CRLF1: variants seen among roughly 807,000 people sequenced by gnomAD.
The protein encoded by CRLF1 is cytokine receptor like factor 1.
In CRLF1, 36 loss-of-function variants were observed where a neutral mutation model predicts 48.9. That is an observed-to-expected ratio of 0.74 (90% CI 0.56 to 0.97). The LOEUF (loss-of-function observed/expected upper bound fraction) is 0.97. CRLF1 is among the 50% of genes least tolerant of loss of function. The pLI is 0.00. For missense variants in CRLF1, 534 were observed against 575.1 expected (o/e 0.93, Z 0.73); for synonymous variants, 256 against 253.4 (o/e 1.01, Z -0.10).
At chr19:18,598,381 G>C in intron 4 of CRLF1, 51 bp downstream of exon 4, 8 of 1,569,914 alleles carry the variant, frequency 5.1e-6, no homozygotes, top group Non-Finnish European at 6.9e-6. Context: ...GGGATGCTCG[G>C]TGGGTGGGGC....
rs755980118 is a variant in CRLF1 at position 18,596,686 on chromosome 19, G to A, written c.960C>T (p.Gly320=). 2.5e-6 allele frequency: 4 copies of A among 1,613,996 alleles called. No homozygotes were observed. In the Admixed American group the frequency reaches 6.7e-5, roughly 27 times the overall value. The change falls in exon 6 of 9, where the codon GGC becomes GGT. Residue 320 remains glycine, a synonymous_variant. Transcript: ENST00000392386. ...QVRCNPFGIY[G]SKKAGIWSEW... ...CACTCCAGATCCCGGCTTTCTTGGA[G>A]CCATAGATGCCAAAGGGGTTGCAGC...
At position 18,599,602 on chromosome 19, in the gene CRLF1, G is replaced by T. The variant is rs562764303; in HGVS notation, c.360C>A (p.Asp120Glu). Residue 120 changes from aspartate (D) to glutamate (E), a missense_variant, in exon 2 of 9, where the codon GAC becomes GAA. Physicochemically the swap from Asp to Glu is conservative, Grantham distance 45 (BLOSUM62 2). Around this residue, in one of 2 missense-constraint regions of CRLF1, gnomAD observed 528 missense variants for 555.7 expected, o/e 0.95. Coordinates refer to ENST00000392386, the MANE Select transcript of CRLF1 (RefSeq NM_004750.5). ...GGCAGGAGCCAGCCAGGATGCTGCC[G>T]TCACGGGCGTGGCACACGAGGTTGT... ...SGDNLVCHARDGSILAGSCLY... is the reference protein window; with the variant it reads ...SGDNLVCHAREGSILAGSCLY... 1.2e-6 allele frequency: 2 copies of T among 1,613,036 alleles called. No homozygotes were observed. Among genetic ancestry groups the T allele is most frequent in the Non-Finnish European group, 1.7e-6 (2 of 1,180,026 alleles).
At chr19:18,599,148 C>A (rs1976185273) in intron 2 of CRLF1, 2 of 980,892 alleles carry the variant, frequency 2.0e-6, no homozygotes, top group Non-Finnish European at 2.4e-6. Context: ...CTCTGTCCCC[C>A]AGGCTGGAGT....
In CRLF1 at chr19:18,593,555, G is replaced by A. The variant is rs140234226; in HGVS notation, c.*11C>T. The A allele has an allele frequency of 9.9e-6, 16 of 1,610,606 alleles. No individual in the cohort carries two copies. The highest frequency in any genetic ancestry group is 1.3e-5 in the Non-Finnish European group (15 of 1,178,938). ...CCACGTGGCAGGGAGGGTGGCCTGAGCCCCTACAGCTTATCTGGCAGGACC... is the reference window on the plus strand; with the variant it reads ...CCACGTGGCAGGGAGGGTGGCCTGAACCCCTACAGCTTATCTGGCAGGACC... On this transcript the variant is annotated 3_prime_UTR_variant, in exon 9 of 9. Coordinates refer to ENST00000392386, the MANE Select transcript of CRLF1 (RefSeq NM_004750.5).
rs2145325185 is a variant in CRLF1 at position 18,593,405 on chromosome 19, G to T, written c.*161C>A. 4 of 981,756 alleles carry T rather than the reference G, an allele frequency of 4.1e-6. No homozygotes were observed. The highest frequency in any genetic ancestry group is 1.6e-5 in the African/African-American group (1 of 61,100). 60.8% of individuals were successfully genotyped at this position (981,756 alleles called of 1,614,324 possible). On this transcript the variant is annotated 3_prime_UTR_variant, in exon 9 of 9. Transcript: ENST00000392386. Reference sequence around the variant, plus strand: ...GGGGTGCACCCAAAGGTGGCCTCACGTGGGAGTCAGAGCTGTTATGGCCGT... The same window carrying T: ...GGGGTGCACCCAAAGGTGGCCTCACTTGGGAGTCAGAGCTGTTATGGCCGT...
intron 1 of CRLF1, among the ~76,000 whole-genome samples, chr19:18,605,553 T>TCGGGGATGGAATGTGTGTGC (rs1156995829): frequency 3.3e-5 from 5 of 152,172 alleles, no homozygotes; most frequent in Admixed American, 6.5e-5. Flanking sequence ...AATGTGTGTG[T>TCGGGGATGGAATGTGTGTGC]CGGGGATGGA....
chr19:18,599,791 C>T lies in CRLF1; in HGVS notation c.171G>A (p.Leu57=), dbSNP rs775538615. 1 of 1,581,206 alleles carries T rather than the reference C, an allele frequency of 6.3e-7. No homozygotes were observed. The highest frequency in any genetic ancestry group is 8.6e-7 in the Non-Finnish European group (1 of 1,160,646). ...GGTCTCCGTGCACTGAGCAGGTGGCCAGCAGGGAGGAGCCGATGAGAAGCG... is the reference window on the plus strand; with the variant it reads ...GGTCTCCGTGCACTGAGCAGGTGGCTAGCAGGGAGGAGCCGATGAGAAGCG... ...DPTLLIGSSL[L]ATCSVHGDPP... Residue 57 remains leucine (L), a synonymous_variant, in exon 2 of 9, where the codon CTG becomes CTA. Coordinates refer to ENST00000392386, the MANE Select transcript of CRLF1 (RefSeq NM_004750.5).
At chr19:18,595,941 T>G (rs1443473750) in intron 6 of CRLF1, among the ~76,000 whole-genome samples, 1 of 152,068 alleles carries the variant, frequency 6.6e-6, no homozygotes, top group African/African-American at 2.4e-5. Context: ...ACTGGCCCCC[T>G]CTTAGGAGGG....
intron 1 of CRLF1, among the ~76,000 whole-genome samples, chr19:18,604,336 C>T (rs1228700104): frequency 1.3e-5 from 2 of 152,208 alleles, no homozygotes; most frequent in East Asian, 1.9e-4. Context: ...CAATCTCCCA[C>T]CCCCTTAGCC....
chr19:18,593,705 T>A, intron 8 of CRLF1, 126 bp from the exon 9 acceptor site: 1 of 1,529,780 alleles, frequency 6.5e-7, no homozygotes, highest in Non-Finnish European at 8.8e-7. Context: ...TTGGGCAGGG[T>A]CCTGCCCCTC....
In CRLF1 at chr19:18,606,696, C is replaced by G; in HGVS notation, c.-40G>C. 5.4e-6 allele frequency: 2 copies of G among 372,850 alleles called. No homozygotes were observed. The highest frequency in any genetic ancestry group is 7.3e-6 in the Non-Finnish European group (2 of 273,900). 23.1% of individuals were successfully genotyped at this position (372,850 alleles called of 1,614,324 possible). Reference sequence around the variant, plus strand: ...CGGGGGCGCGCGGCGGGCTGCGGCTCGGCGGCGGTGGCGCAGGGCGCGGGA... The same window carrying G: ...CGGGGGCGCGCGGCGGGCTGCGGCTGGGCGGCGGTGGCGCAGGGCGCGGGA... On this transcript the variant is annotated 5_prime_UTR_variant, in exon 1 of 9. Coordinates refer to ENST00000392386, the MANE Select transcript of CRLF1 (RefSeq NM_004750.5). The surrounding 1 kb of genome is among the most constrained non-coding windows in gnomAD (Gnocchi z 4.8).
At chr19:18,598,939 T>A in intron 2 of CRLF1, 38 bp from the exon 3 acceptor site, 5 of 1,611,014 alleles carry the variant, frequency 3.1e-6, no homozygotes, top group Non-Finnish European at 4.2e-6. Context: ...AGGCTGAGGG[T>A]CTGGACTAGC....
intron 6 of CRLF1, among the ~76,000 whole-genome samples, 199 bp from the exon 7 acceptor site, chr19:18,594,633 G>T (rs571649555): frequency 2.0e-5 from 3 of 151,666 alleles, no homozygotes; most frequent in Non-Finnish European, 4.4e-5. Flanking sequence ...CTGGGGAGGT[G>T]GGGGGGAGGG....
At chr19:18,603,856 G>C (rs1976252057) in intron 1 of CRLF1, among the ~76,000 whole-genome samples, 1 of 151,142 alleles carries the variant, frequency 6.6e-6, no homozygotes, top group Admixed American at 6.6e-5. Context: ...GGAGCCGGCT[G>C]AGCGGGCCAG....
intron 7 of CRLF1, 36 bp downstream of exon 7, chr19:18,594,211 T>A (rs970299808): frequency 1.2e-6 from 2 of 1,602,456 alleles, no homozygotes; most frequent in African/African-American, 2.7e-5. Flanking sequence ...CAGCTCCCTG[T>A]CCCCACCCCC....
rs747401767 is a variant in CRLF1 at position 18,593,582 on chromosome 19, G to C, written c.1256-3C>G. ...CCCTACAGCTTATCTGGCAGGACCTGCAGGCAGAGGGGAAGCCAAGCTAAG... is the reference window on the plus strand; with the variant it reads ...CCCTACAGCTTATCTGGCAGGACCTCCAGGCAGAGGGGAAGCCAAGCTAAG... On this transcript the variant is annotated splice_region_variant and splice_polypyrimidine_tract_variant and intron_variant, in intron 8 of 8. Coordinates refer to ENST00000392386, the MANE Select transcript of CRLF1 (RefSeq NM_004750.5). The C allele has an allele frequency of 1.1e-5, 18 of 1,608,338 alleles. No homozygotes were observed. The highest frequency in any genetic ancestry group is 1.5e-5 in the Non-Finnish European group (18 of 1,177,886).
intron 1 of CRLF1, 70 bp from the exon 2 acceptor site, chr19:18,599,916 T>A: frequency 4.3e-6 from 6 of 1,407,352 alleles, no homozygotes; most frequent in South Asian, 1.5e-5. Context: ...TGCCAGGACC[T>A]CCAGGGTTCA....
chr19:18,602,779 T>C (rs1020872672), intron 1 of CRLF1, among the ~76,000 whole-genome samples: 22 of 151,500 alleles, frequency 1.5e-4, no homozygotes, highest in African/African-American at 5.1e-4. Context: ...GACTCAGTGT[T>C]CTACTTTTTT....
intron 1 of CRLF1, among the ~76,000 whole-genome samples, chr19:18,600,742 A>G (rs148358350): frequency 0.053 from 8,052 of 151,616 alleles, 244 homozygotes; most frequent in Admixed American, 0.073. Flanking sequence ...CTCGTGATCC[A>G]CCTCCCTCGG....
Sources: gnomAD v4.1 joint callset for allele counts (sites outside exome capture counted in the v4.1 genomes callset) on GRCh38, gnomAD v4.1.1 for gene constraint, gnomAD v4.1.1 regional missense constraint, Gnocchi (gnomAD v3.1) non-coding constraint, MANE v1.5 for transcripts, NCBI Gene and HGNC (gene_info 2026-07-23, HGNC 2026-07-21) for gene names.